SARDH: variants seen among roughly 807,000 people sequenced by gnomAD.
The protein encoded by SARDH is sarcosine dehydrogenase, mitochondrial.
Under a neutral mutation model 109.1 loss-of-function variants are expected in SARDH, and 95 were observed. The ratio of observed to expected loss-of-function variants is 0.87; its 90% CI spans 0.74 to 1.03. The LOEUF (loss-of-function observed/expected upper bound fraction) is 1.03. SARDH is among the 50% of genes least tolerant of loss of function. The probability of loss-of-function intolerance (pLI) is 0.00; values close to 1 mark genes in which losing one functional copy is unlikely to be tolerated. For missense variants in SARDH, 1,267 were observed against 1,287.8 expected (o/e 0.98, Z 0.25); for synonymous variants, 572 against 534.8 (o/e 1.07, Z -0.96).
At chr9:133,733,707 C>G (rs1463716732) in intron 2 of SARDH, 136 bp downstream of exon 2, 1 of 804,174 alleles carries the variant, frequency 1.2e-6, no homozygotes, top group African/African-American at 1.8e-5. Context: ...CACCTGCAAA[C>G]TGGCCATGCA....
chr9:133,714,871 G>A (rs1020522024), intron 8 of SARDH, among the ~76,000 whole-genome samples: 1 of 152,180 alleles, frequency 6.6e-6, no homozygotes, highest in Non-Finnish European at 1.5e-5. Context: ...GCCCAGGGAG[G>A]GCAGGAAAGA....
chr9:133,723,850 A>G (rs1240797503), intron 6 of SARDH, among the ~76,000 whole-genome samples: 4 of 152,260 alleles, frequency 2.6e-5, no homozygotes, highest in Admixed American at 2.6e-4. Flanking sequence ...TGGGGGAAGC[A>G]GACTTTGTAA....
chr9:133,661,746 G>A (rs1588358579), downstream of SARDH, among the ~76,000 whole-genome samples: 1 of 152,126 alleles, frequency 6.6e-6, no homozygotes, highest in African/African-American at 2.4e-5. Flanking sequence ...CTCCCAAAGT[G>A]CTGGGATTAC....
downstream of SARDH, among the ~76,000 whole-genome samples, chr9:133,663,111 G>A (rs1297201379): frequency 6.6e-6 from 1 of 152,232 alleles, no homozygotes; most frequent in East Asian, 1.9e-4. Context: ...CACCTAGAAA[G>A]GGGGACTCCA....
intron 14 of SARDH, among the ~76,000 whole-genome samples, chr9:133,695,610 A>T (rs1831257140): frequency 6.6e-6 from 1 of 152,098 alleles, no homozygotes; most frequent in African/African-American, 2.4e-5. Context: ...AGACACCCTC[A>T]TTTTGACCTC....
At chr9:133,716,703 G>C (rs748945871) in intron 8 of SARDH, among the ~76,000 whole-genome samples, 5 of 152,240 alleles carry the variant, frequency 3.3e-5, no homozygotes, top group Non-Finnish European at 7.3e-5. Flanking sequence ...GCCTCTTCCA[G>C]CTAAGTTCTC....
At chr9:133,732,298 A>T in intron 3 of SARDH, 125 bp downstream of exon 3, 2 of 285,128 alleles carry the variant, frequency 7.0e-6, no homozygotes, top group Non-Finnish European at 1.2e-5. Flanking sequence ...CCCCCAGCGT[A>T]CCTCCACCCT....
At chr9:133,665,612 G>A (rs980561431) in intron 20 of SARDH, among the ~76,000 whole-genome samples, 2 of 152,174 alleles carry the variant, frequency 1.3e-5, no homozygotes, top group African/African-American at 4.8e-5. Context: ...CATCAAGTGT[G>A]TCCCCAGCCT....
chr9:133,687,050 C>T (rs534648703), intron 16 of SARDH, among the ~76,000 whole-genome samples: 31 of 152,268 alleles, frequency 2.0e-4, no homozygotes, highest in Admixed American at 6.5e-4. Context: ...CAGGGGTCCA[C>T]GAGCTTCCCA....
Position 133,705,023 on chromosome 9 carries a change from A to G in SARDH, c.1479T>C (p.Leu493=), listed in dbSNP as rs150448882. ...GCTCCTGGAACACGCAGCCTTGTCC[A>G]AGGAGTTCCTGAGCAGGAGTGGGGA... is the stretch of plus-strand genomic sequence containing the variant. ...MRRDPLHEEL[L]GQGCVFQERH... is the part of the protein sequence containing the mutation. The change falls in exon 12 of 21, where the codon CTT becomes CTC. Residue 493 remains leucine (L), a synonymous_variant. Coordinates refer to ENST00000439388, the MANE Select transcript of SARDH (RefSeq NM_001134707.2). The G allele has an allele frequency of 7.9e-4, 1,257 of 1,591,146 alleles. 8 individuals are homozygous for G. Among genetic ancestry groups the G allele is most frequent in the Non-Finnish European group, 5.1e-4 (595 of 1,169,790 alleles).
At chr9:133,691,848 G>A (rs1831109862) in intron 15 of SARDH, among the ~76,000 whole-genome samples, 1 of 152,148 alleles carries the variant, frequency 6.6e-6, no homozygotes, top group Non-Finnish European at 1.5e-5. Flanking sequence ...CTGTTGAGTG[G>A]TGTCCCCAGG....
At chr9:133,679,605 A>G (rs1830628012) in intron 17 of SARDH, among the ~76,000 whole-genome samples, 1 of 152,150 alleles carries the variant, frequency 6.6e-6, no homozygotes. Flanking sequence ...GCACTGACCC[A>G]CGGGGAATCT....
rs1316959944 is a variant in SARDH at position 133,686,772 on chromosome 9, G to A, written c.2070-1486C>T. ...CCTAATCCCAATCGTCACAGTGCTG[G>A]GAGCCGCCACCCACGTCAGCCTGAG... is the stretch of plus-strand genomic sequence containing the variant. On this transcript the variant is annotated intron_variant, in intron 16 of 20. Coordinates refer to ENST00000439388, the MANE Select transcript of SARDH (RefSeq NM_001134707.2). This position sits in a 1 kb window ranked among gnomAD's most constrained non-coding sequence, Gnocchi z 4.0. Among the ~76,000 whole-genome samples, 1 of 152,170 alleles carries A rather than the reference G, an allele frequency of 6.6e-6. No homozygotes were observed. Among genetic ancestry groups the A allele is most frequent in the East Asian group, 1.9e-4 (1 of 5,190 alleles).
chr9:133,666,654 T>G lies in SARDH; in HGVS notation c.2631+81A>C. The G allele has an allele frequency of 6.6e-7, 1 of 1,509,554 alleles. No individual in the cohort carries two copies. Among genetic ancestry groups the G allele is most frequent in the Non-Finnish European group, 8.9e-7 (1 of 1,117,432 alleles). 93.5% of individuals were successfully genotyped at this position (1,509,554 alleles called of 1,614,324 possible). A position where few individuals can be genotyped will look rare whatever the true frequency, so the allele number is the denominator to read the frequency against. ...TGCCTCCTCCCTATGCCCGGCACAC[T>G]CAGGGTGCAGTGCAGGGAGCTGGTT... On this transcript the variant is annotated intron_variant, in intron 20 of 20. Transcript: ENST00000439388. This position sits in a 1 kb window ranked among gnomAD's most constrained non-coding sequence, Gnocchi z 5.2.
chr9:133,673,004 T>A (rs1282081776), intron 17 of SARDH, among the ~76,000 whole-genome samples: 1 of 152,202 alleles, frequency 6.6e-6, no homozygotes, highest in Non-Finnish European at 1.5e-5. Flanking sequence ...TCCACGGCCC[T>A]TGCAACGGTG....
intron 17 of SARDH, among the ~76,000 whole-genome samples, chr9:133,680,942 C>T (rs1229637040): frequency 6.6e-6 from 1 of 152,214 alleles, no homozygotes; most frequent in Non-Finnish European, 1.5e-5. Flanking sequence ...AGTCTGTCCC[C>T]GATGGACCCC....
chr9:133,694,110 A>G (rs1831197477), intron 15 of SARDH, 148 bp downstream of exon 15: 1 of 614,794 alleles, frequency 1.6e-6, no homozygotes, highest in Non-Finnish European at 2.8e-6. Flanking sequence ...CGAGACCTCT[A>G]ATCTCCCAGC....
intron 17 of SARDH, among the ~76,000 whole-genome samples, chr9:133,675,349 T>TA (rs34271750): frequency 0.26 from 38,102 of 145,138 alleles, 4,940 homozygotes; most frequent in East Asian, 0.38. Flanking sequence ...AGACTCCATT[T>TA]AAAAAAAAAA....
intron 19 of SARDH, among the ~76,000 whole-genome samples, chr9:133,667,513 T>C (rs946375203): frequency 1.3e-5 from 2 of 151,854 alleles, no homozygotes; most frequent in Non-Finnish European, 1.5e-5. Context: ...CAAAGGACTT[T>C]ACTACATGTA....
Sources: gnomAD v4.1 joint callset for allele counts (sites outside exome capture counted in the v4.1 genomes callset) on GRCh38, gnomAD v4.1.1 for gene constraint, Gnocchi (gnomAD v3.1) non-coding constraint, MANE v1.5 for transcripts, NCBI Gene and HGNC (gene_info 2026-07-23, HGNC 2026-07-21) for gene names.